LMBR1: variants seen among roughly 807,000 people sequenced by gnomAD.
LMBR1 encodes limb development membrane protein 1.
Under a neutral mutation model 73.9 loss-of-function variants are expected in LMBR1, and 52 were observed. That is an observed-to-expected ratio of 0.70 (90% CI 0.56 to 0.89). The LOEUF (loss-of-function observed/expected upper bound fraction) is 0.89, where lower values mean the gene tolerates loss of function less well. Among genes scored for constraint, LMBR1 ranks in the 40% least tolerant of loss-of-function variants. The probability of loss-of-function intolerance (pLI) is 0.00; values close to 1 mark genes in which losing one functional copy is unlikely to be tolerated. For synonymous variants in LMBR1, 215 were observed against 209.4 expected, an observed-to-expected ratio of 1.03 and a Z score of -0.23; for missense variants, 539 against 579.8, an observed-to-expected ratio of 0.93 and a Z score of 0.72.
chr7:156,887,034 A>G (rs1802019964), intron 1 of LMBR1, among the ~76,000 whole-genome samples: 1 of 152,230 alleles, frequency 6.6e-6, no homozygotes, highest in African/African-American at 2.4e-5. Flanking sequence ...TTTCATAGCT[A>G]GCTCTCAAAA....
intron 12 of LMBR1, among the ~76,000 whole-genome samples, chr7:156,727,498 T>C (rs1815999430): frequency 6.6e-6 from 1 of 152,150 alleles, no homozygotes; most frequent in African/African-American, 2.4e-5. Context: ...CTTGTCTGTC[T>C]GTAGGATGAG....
chr7:156,691,145 A>G (rs1022057712), intron 15 of LMBR1, among the ~76,000 whole-genome samples: 14 of 152,230 alleles, frequency 9.2e-5, no homozygotes, highest in Non-Finnish European at 1.8e-4. Context: ...TTAAAATACT[A>G]CTATTAGAAA....
intron 12 of LMBR1, among the ~76,000 whole-genome samples, chr7:156,727,489 T>G (rs1024411988): frequency 2.6e-5 from 4 of 152,166 alleles, no homozygotes; most frequent in African/African-American, 9.7e-5. Flanking sequence ...GGGTAGTTTC[T>G]TGTCTGTCTG....
At chr7:156,826,826 T>C in intron 3 of LMBR1, 82 bp from the exon 4 acceptor site, 2 of 1,282,886 alleles carry the variant, frequency 1.6e-6, no homozygotes, top group African/African-American at 3.0e-5. Context: ...GCAAACTCTT[T>C]AATGTTTTAA....
At chr7:156,752,549 G>GC (rs1821102362) in intron 9 of LMBR1, among the ~76,000 whole-genome samples, 1 of 152,170 alleles carries the variant, frequency 6.6e-6, no homozygotes, top group Admixed American at 6.5e-5. Context: ...TTCAGCCACA[G>GC]CATCGAAGGA....
At chr7:156,721,344 T>C (rs1008518612) in intron 15 of LMBR1, among the ~76,000 whole-genome samples, 1 of 152,156 alleles carries the variant, frequency 6.6e-6, no homozygotes, top group Non-Finnish European at 1.5e-5. Flanking sequence ...AATTGTTTCA[T>C]GATTAAGCAT....
At chr7:156,704,499 G>A (rs144758068) in intron 15 of LMBR1, among the ~76,000 whole-genome samples, 29 of 151,916 alleles carry the variant, frequency 1.9e-4, no homozygotes, top group East Asian at 3.9e-4. Flanking sequence ...CTATTGCTCC[G>A]GATGCGCAGA....
intron 4 of LMBR1, among the ~76,000 whole-genome samples, chr7:156,815,944 G>A (rs1833840497): frequency 6.6e-6 from 1 of 150,860 alleles, no homozygotes; most frequent in African/African-American, 2.4e-5. Context: ...GAGCATAAAA[G>A]AAGGCTCTTT....
intron 15 of LMBR1, among the ~76,000 whole-genome samples, chr7:156,704,854 A>G (rs142803069): frequency 6.6e-6 from 1 of 152,080 alleles, no homozygotes; most frequent in African/African-American, 2.4e-5. Context: ...AGAAGAAAGA[A>G]TCTCAGAACG....
At chr7:156,746,693 C>G (rs11761169) in intron 9 of LMBR1, among the ~76,000 whole-genome samples, 1 of 152,100 alleles carries the variant, frequency 6.6e-6, no homozygotes, top group African/African-American at 2.4e-5. Flanking sequence ...GACAAGACCA[C>G]TCTTTATTAT....
At position 156,680,401 on chromosome 7, in the gene LMBR1, A is replaced by AGTGTGTGTGTGTGTGTGTGTGTGTGT. The variant is rs1164308979; in HGVS notation, c.*3676_*3677insACACACACACACACACACACACACAC. 2 of 134,416 alleles carry AGTGTGTGTGTGTGTGTGTGTGTGTGT rather than the reference A, an allele frequency of 1.5e-5. No homozygotes were observed. The highest frequency in any genetic ancestry group is 6.0e-5 in the African/African-American group (2 of 33,362). The allele number at this position is 134,416 out of a possible 1,614,324, so 8.3% of individuals were successfully genotyped here. ...CAGAGAGAGAGAGAGAGAGAGAGAG[A>AGTGTGTGTGTGTGTGTGTGTGTGTGT]GAGTGTGTGTGTGTGTGTGTGTGTA... is the stretch of plus-strand genomic sequence containing the variant. On this transcript the variant is annotated 3_prime_UTR_variant, in exon 17 of 17. Coordinates refer to ENST00000353442, the MANE Select transcript of LMBR1 (RefSeq NM_022458.4).
intron 5 of LMBR1, among the ~76,000 whole-genome samples, chr7:156,773,400 G>A (rs1406041527): frequency 8.6e-5 from 13 of 152,024 alleles, no homozygotes; most frequent in African/African-American, 3.1e-4. Flanking sequence ...TCCTAAGCAA[G>A]AAGAACAAAG....
intron 4 of LMBR1, among the ~76,000 whole-genome samples, chr7:156,818,836 G>A (rs1054197133): frequency 3.3e-5 from 5 of 151,866 alleles, no homozygotes; most frequent in African/African-American, 7.3e-5. Context: ...TTATTTTTTC[G>A]GTCCATTTTT....
intron 14 of LMBR1, among the ~76,000 whole-genome samples, chr7:156,724,930 A>G (rs1815402272): frequency 1.3e-5 from 2 of 152,184 alleles, no homozygotes; most frequent in South Asian, 4.1e-4. Context: ...TTCAGTCACT[A>G]TATACGGCAA....
chr7:156,766,820 C>T (rs994312992), intron 5 of LMBR1, among the ~76,000 whole-genome samples: 2 of 152,048 alleles, frequency 1.3e-5, no homozygotes, highest in Non-Finnish European at 2.9e-5. Context: ...CTCCTCTGAG[C>T]GGAAGCATGA....
At chr7:156,704,595 C>A (rs1810502901) in intron 15 of LMBR1, among the ~76,000 whole-genome samples, 1 of 124,436 alleles carries the variant, frequency 8.0e-6, no homozygotes, top group Non-Finnish European at 1.7e-5. Flanking sequence ...AGCAATAGAT[C>A]CTAACTGAAA....
Position 156,690,171 on chromosome 7 carries a change from C to G in LMBR1, c.1226-1980G>C, listed in dbSNP as rs181504110. ...AATTTTTTTTAACATATACTACCAT[C>G]AGTAAAAACAAAATTTGAGCATCTA... On this transcript the variant is annotated intron_variant, in intron 15 of 16. Transcript: ENST00000353442. Among the ~76,000 whole-genome samples, 33 of 152,208 alleles carry G rather than the reference C, an allele frequency of 2.2e-4. 1 individual carries two copies. The highest frequency in any genetic ancestry group is 3.4e-3 in the Middle Eastern group (1 of 294).
chr7:156,708,907 C>A (rs929448181), intron 15 of LMBR1, among the ~76,000 whole-genome samples: 6 of 152,112 alleles, frequency 3.9e-5, no homozygotes, highest in African/African-American at 1.4e-4. Context: ...TCCCCAACTT[C>A]CCTGGCAAAC....
chr7:156,880,227 C>G (rs573885959), intron 1 of LMBR1, among the ~76,000 whole-genome samples: 3 of 152,150 alleles, frequency 2.0e-5, no homozygotes, highest in Non-Finnish European at 4.4e-5. Context: ...GACTATTATT[C>G]TAAGTGAATT....
Sources: allele counts gnomAD v4.1 joint callset (sites outside exome capture counted in the v4.1 genomes callset), GRCh38; gene constraint gnomAD v4.1.1; transcripts MANE v1.5; gene names NCBI Gene and HGNC (gene_info 2026-07-23, HGNC 2026-07-21).